OTOG: variants seen among roughly 807,000 people sequenced by gnomAD.
The protein encoded by OTOG is otogelin.
OTOG carries 296 observed loss-of-function variants against 313.8 expected under a neutral mutation model. The ratio of observed to expected loss-of-function variants is 0.94; its 90% CI spans 0.86 to 1.04. OTOG has a LOEUF of 1.04. OTOG is among the 50% of genes least tolerant of loss of function. The pLI is 0.00. For synonymous variants in OTOG, 1,533 were observed against 1,554.9 expected, an observed-to-expected ratio of 0.99 and a Z score of 0.33; for missense variants, 3,948 against 3,840.1, an observed-to-expected ratio of 1.03 and a Z score of -0.74.
At chr11:17,551,440 C>A (rs188869453) in intron 3 of OTOG, among the ~76,000 whole-genome samples, 34 of 152,190 alleles carry the variant, frequency 2.2e-4, no homozygotes, top group African/African-American at 7.9e-4. Context: ...GGTATCAGGG[C>A]AGGAGTCCTG....
rs1185062430 is a variant in OTOG, at chr11:17,638,473, C to G, written c.7818C>G (p.Pro2606=). ...CAGTGTGTGAGAACTTCCGCTGTCC[C>G]CAAGTGCAGTGTGGCCTGGGCACTG... The part of the protein sequence containing the change: ...YQCVCENFRC[P]QVQCGLGTAL... The change falls in exon 48 of 56, where the codon CCC becomes CCG. Residue 2606 remains proline (P), a synonymous_variant. Transcript: ENST00000399397. The G allele has an allele frequency of 6.5e-7, 1 of 1,549,902 alleles. No homozygotes were observed. Among genetic ancestry groups the G allele is most frequent in the South Asian group, 1.2e-5 (1 of 84,036 alleles).
intron 9 of OTOG, 33 bp from the exon 10 acceptor site, chr11:17,558,505 C>T: frequency 6.5e-7 from 1 of 1,548,152 alleles, no homozygotes; most frequent in Non-Finnish European, 8.7e-7. Flanking sequence ...GCTTTGCCAG[C>T]CCCTAGCCCT....
intron 8 of OTOG, 107 bp downstream of exon 8, chr11:17,557,430 A>T (rs905083502): frequency 5.7e-5 from 66 of 1,150,416 alleles, no homozygotes; most frequent in Non-Finnish European, 7.9e-5. Flanking sequence ...GGTCGTGGTC[A>T]TGGTATTAAA....
intron 39 of OTOG, among the ~76,000 whole-genome samples, chr11:17,616,281 T>G (rs1473053625): frequency 1.3e-5 from 2 of 152,154 alleles, no homozygotes; most frequent in Non-Finnish European, 2.9e-5. Context: ...GGTCTCAAAC[T>G]CCTGGCCTCA....
rs1036808154 is a variant in OTOG, at chr11:17,641,029, C to T, written c.8128C>T (p.Pro2710Ser). ...HTSRCTTVLD[P>S]LTNFYQINTT... ...CTCCCGCTGCACCACCGTGCTCGAC[C>T]CTCTCACCAACTTCTACCAGATCAA... The change falls in exon 51 of 56, where the codon CCT becomes TCT. Residue 2710 changes from proline to serine, a missense_variant. Pro to Ser is a moderately conservative substitution (Grantham distance 74). Coordinates refer to ENST00000399397, the MANE Select transcript of OTOG (RefSeq NM_001292063.2). The T allele has an allele frequency of 2.6e-6, 4 of 1,547,786 alleles. No individual in the cohort carries two copies. Among genetic ancestry groups the T allele is most frequent in the African/African-American group, 2.7e-5 (2 of 72,884 alleles).
chr11:17,569,931 T>A (rs1852368113), intron 16 of OTOG, among the ~76,000 whole-genome samples: 2 of 152,208 alleles, frequency 1.3e-5, no homozygotes, highest in African/African-American at 4.8e-5. Context: ...CGTGTACCAG[T>A]TCCTTAGTGG....
intron 15 of OTOG, among the ~76,000 whole-genome samples, chr11:17,566,805 C>T (rs947467592): frequency 4.6e-5 from 7 of 152,216 alleles, no homozygotes; most frequent in African/African-American, 1.7e-4. Flanking sequence ...TACAAAGCTA[C>T]TTATGTCAAC....
Position 17,611,028 on chromosome 11 carries a change from G to A in OTOG, c.5728G>A (p.Val1910Met). 1 of 1,550,534 alleles carries A rather than the reference G, an allele frequency of 6.4e-7. No homozygotes were observed. Among genetic ancestry groups the A allele is most frequent in the African/African-American group, 1.4e-5 (1 of 73,162 alleles). The change falls in exon 36 of 56, where the codon GTG becomes ATG. Residue 1910 changes from valine to methionine, a missense_variant. Val to Met is a conservative substitution (Grantham distance 21). Transcript: ENST00000399397. ...CCCACGAAAGAGCACCACAGGGAAG[G>A]TGGCCATCCTATCCAAGCAAGTGTC... Reference protein sequence around the residue: ...VVPRKSTTGKVAILSKQVSLP... With the variant: ...VVPRKSTTGKMAILSKQVSLP...
intron 3 of OTOG, among the ~76,000 whole-genome samples, chr11:17,548,697 C>T (rs1423178217): frequency 2.0e-5 from 3 of 151,950 alleles, no homozygotes; most frequent in Non-Finnish European, 4.4e-5. Flanking sequence ...AGAAGCAGAG[C>T]CCTGAACTCA....
At chr11:17,572,024 G>C (rs532682447) in intron 17 of OTOG, 56 bp from the exon 18 acceptor site, 567 of 1,546,676 alleles carry the variant, frequency 3.7e-4, no homozygotes, top group Non-Finnish European at 4.8e-4. Flanking sequence ...TATGCTATTT[G>C]TGCCCCCTGA....
Position 17,642,069 on chromosome 11 carries a change from G to A in OTOG, c.8296-58G>A, listed in dbSNP as rs1565131872. 3 of 1,518,272 alleles carry A rather than the reference G, an allele frequency of 2.0e-6. No homozygotes were observed. In the South Asian group the frequency reaches 3.8e-5, roughly 19 times the overall value. The allele number at this position is 1,518,272 out of a possible 1,614,324, so 94.1% of individuals were successfully genotyped here. On this transcript the variant is annotated intron_variant, in intron 52 of 55. Transcript: ENST00000399397. ...ACAAACAGGCTCCCAGACCCTATGGGTTTGCGCAGGCTGTCCATCTGGCCA... is the reference window on the plus strand; with the variant it reads ...ACAAACAGGCTCCCAGACCCTATGGATTTGCGCAGGCTGTCCATCTGGCCA...
intron 48 of OTOG, chr11:17,639,007 A>G: frequency 2.8e-6 from 1 of 358,340 alleles, no homozygotes; most frequent in South Asian, 2.3e-5. Flanking sequence ...GAGTCAAGAT[A>G]GCGCCACTGC....
chr11:17,642,449 G>A (rs1279813366), intron 53 of OTOG, among the ~76,000 whole-genome samples: 3 of 152,130 alleles, frequency 2.0e-5, no homozygotes, highest in East Asian at 1.9e-4. Flanking sequence ...CACATCACAT[G>A]ACCACATGCA....
intron 23 of OTOG, among the ~76,000 whole-genome samples, chr11:17,581,419 C>T (rs192507732): frequency 2.9e-3 from 443 of 152,258 alleles, no homozygotes; most frequent in Non-Finnish European, 4.6e-3. Context: ...CAAGTGGAAT[C>T]CCAGCAAATG....
At position 17,560,676 on chromosome 11, in the gene OTOG, G is replaced by T. The variant is rs562185976; in HGVS notation, c.1343-33G>T. The T allele has an allele frequency of 7.0e-5, 105 of 1,489,640 alleles. No homozygotes were observed. The African/African-American group carries it at 1.3e-3, about 18-fold the overall frequency. The allele number at this position is 1,489,640 out of a possible 1,614,324, so 92.3% of individuals were successfully genotyped here. A position where few individuals can be genotyped will look rare whatever the true frequency, so the allele number is the denominator to read the frequency against. On this transcript the variant is annotated intron_variant, in intron 12 of 55. Transcript: ENST00000399397. ...CGAATGGTTTGTGAACAGGGGCAAA[G>T]GTGAGTTAATTGGCCCTTTGCTGTC...
At chr11:17,568,642 G>A (rs1294438987) in intron 15 of OTOG, among the ~76,000 whole-genome samples, 1 of 152,208 alleles carries the variant, frequency 6.6e-6, no homozygotes, top group African/African-American at 2.4e-5. Context: ...TTGTGTGGAT[G>A]TTTTCCTGTG....
intron 47 of OTOG, 81 bp downstream of exon 47, chr11:17,635,792 G>C (rs1854251477): frequency 1.7e-6 from 2 of 1,204,118 alleles, no homozygotes; most frequent in Non-Finnish European, 2.4e-6. Flanking sequence ...AATGGGGGTT[G>C]ACAGGGAGCA....
In OTOG at chr11:17,557,203, C is replaced by G; in HGVS notation, c.745C>G (p.Leu249Val). 12 of 1,550,658 alleles carry G rather than the reference C, an allele frequency of 7.7e-6. No homozygotes were observed. The highest frequency in any genetic ancestry group is 1.0e-5 in the Non-Finnish European group (12 of 1,147,006). ...VIVRHQSAFT[L>V]AWDGASAVYI... ...CGTGCGGCATCAGTCAGCCTTCACACTGGCCTGGGATGGTGCCTCGGCTGT... is the reference window on the plus strand; with the variant it reads ...CGTGCGGCATCAGTCAGCCTTCACAGTGGCCTGGGATGGTGCCTCGGCTGT... Residue 249 changes from leucine to valine, a missense_variant, in exon 8 of 56, where the codon CTG (leucine) becomes GTG (valine). Physicochemically the swap from Leu to Val is conservative, Grantham distance 32 (BLOSUM62 1). Coordinates refer to ENST00000399397, the MANE Select transcript of OTOG (RefSeq NM_001292063.2).
Position 17,610,928 on chromosome 11 carries a change from G to A in OTOG, c.5628G>A (p.Leu1876=), listed in dbSNP as rs1202053509. 4 of 1,550,442 alleles carry A rather than the reference G, an allele frequency of 2.6e-6. No homozygotes were observed. In the East Asian group the frequency reaches 7.3e-5, roughly 28 times the overall value. The change falls in exon 36 of 56, where the codon CTG becomes CTA. Residue 1876 remains leucine (L), a synonymous_variant. Transcript: ENST00000399397. ...CAGCAGCAGGCACAGCTCCAGGCCT[G>A]CTGCTGGGAGCCACATTGCCAACCT... ...APPAAGTAPG[L]LLGATLPTSG...
Sources: allele counts gnomAD v4.1 joint callset (sites outside exome capture counted in the v4.1 genomes callset), GRCh38; gene constraint gnomAD v4.1.1; transcripts MANE v1.5; gene names NCBI Gene and HGNC (gene_info 2026-07-23, HGNC 2026-07-21).